The following PCDH11X variants were observed in gnomAD, a reference collection of about 807,000 sequenced individuals.
PCDH11X encodes the protein protocadherin-11 X-linked.
Under a neutral mutation model 53.3 loss-of-function variants are expected in PCDH11X, and 18 were observed. The ratio of observed to expected loss-of-function variants is 0.34; its 90% CI spans 0.23 to 0.50. The LOEUF is 0.50. PCDH11X is among the 20% of genes least tolerant of loss of function. The pLI, the probability that PCDH11X is intolerant of heterozygous loss-of-function variation, is 0.98. For missense variants in PCDH11X, 570 were observed against 1,032.4 expected (o/e 0.55, Z 6.14); for synonymous variants, 279 against 393.3 (o/e 0.71, Z 3.44).
intron 9 of PCDH11X, among the ~76,000 whole-genome samples, chrX:92,441,194 G>A (rs957200082): frequency 2.0e-4 from 21 of 107,266 alleles, no homozygotes; most frequent in Admixed American, 1.7e-3. Context: ...GTTTTATAAG[G>A]AAAGCAGAGC....
chrX:92,178,935 T>C (rs2065952016), intron 6 of PCDH11X, among the ~76,000 whole-genome samples: 1 of 112,219 alleles, frequency 8.9e-6, no homozygotes, highest in Non-Finnish European at 1.9e-5. Flanking sequence ...CTGTCATTAA[T>C]AATATCTAAA....
chrX:92,266,732 G>A (rs1398367598), intron 8 of PCDH11X, among the ~76,000 whole-genome samples: 1 of 105,748 alleles, frequency 9.5e-6, no homozygotes, highest in Non-Finnish European at 1.9e-5. Context: ...AGTGTAAGCA[G>A]TACTTATTTT....
intron 7 of PCDH11X, among the ~76,000 whole-genome samples, chrX:92,212,291 C>T (rs2066605427): frequency 2.7e-5 from 3 of 111,602 alleles, no homozygotes; most frequent in South Asian, 7.6e-4. Flanking sequence ...GGATTACAGA[C>T]GTGAGTCACA....
intron 6 of PCDH11X, among the ~76,000 whole-genome samples, chrX:92,068,503 T>C (rs1284480825): frequency 5.5e-5 from 6 of 109,444 alleles, no homozygotes; most frequent in Non-Finnish European, 1.1e-4. Flanking sequence ...TATTGATTTG[T>C]AGTTTTATTT....
chrX:92,206,665 T>G lies in PCDH11X; in HGVS notation c.3114+5210T>G, dbSNP rs1319527889. Among the ~76,000 whole-genome samples the G allele has an allele frequency of 3.6e-5, 4 of 110,642 alleles. No individual in the cohort carries two copies. In the Admixed American group the frequency reaches 3.9e-4, roughly 11 times the overall value. On this transcript the variant is annotated intron_variant, in intron 7 of 10. Transcript: ENST00000682573. ...CCTCAGCCTCCCAAGTAGCTGGGAT[T>G]ACAGGTGACCACCATCGTGCCTGGC...
At chrX:91,966,941 A>G (rs1314234077) in intron 6 of PCDH11X, among the ~76,000 whole-genome samples, 7 of 108,970 alleles carry the variant, frequency 6.4e-5, no homozygotes, top group African/African-American at 2.3e-4. Flanking sequence ...CCCCGCATGT[A>G]TTAAATATTT....
intron 8 of PCDH11X, among the ~76,000 whole-genome samples, chrX:92,315,244 A>G (rs943789634): frequency 2.7e-5 from 3 of 112,238 alleles, no homozygotes; most frequent in South Asian, 3.7e-4. Flanking sequence ...AACATGTGCT[A>G]TTTACTCCTG....
At chrX:91,796,040 T>C (rs1935723195) in intron 1 of PCDH11X, among the ~76,000 whole-genome samples, 1 of 112,218 alleles carries the variant, frequency 8.9e-6, no homozygotes, top group African/African-American at 3.2e-5. Flanking sequence ...TAAACTATTC[T>C]TCAGCAAACA....
chrX:91,785,651 G>A (rs766076124), intron 1 of PCDH11X, among the ~76,000 whole-genome samples: 62 of 111,058 alleles, frequency 5.6e-4, no homozygotes, highest in African/African-American at 1.9e-3. Context: ...CAAATTACAT[G>A]TCATTGTCTG....
chrX:91,971,184 T>A (rs868270538), intron 6 of PCDH11X, among the ~76,000 whole-genome samples: 2 of 109,613 alleles, frequency 1.8e-5, no homozygotes. Flanking sequence ...TTTCTTGATC[T>A]TCTTCTTCAA....
At chrX:92,305,726 G>A (rs1461155723) in intron 8 of PCDH11X, among the ~76,000 whole-genome samples, 91 of 110,093 alleles carry the variant, frequency 8.3e-4, no homozygotes, top group Admixed American at 6.2e-3. Context: ...AATCTACCTA[G>A]AGGAAGCTGG....
Position 92,113,308 on chromosome X carries a change from C to T in PCDH11X, c.3034-88067C>T, listed in dbSNP as rs35836348. The T allele has an allele frequency of 0.014, 16,548 of 1,196,365 alleles. 1,333 individuals are homozygous for T. In the African/African-American group the frequency reaches 0.18, roughly 13 times the overall value. ...GGTGTTGTAGAAGGTCTCAATGTCT[C>T]GAAGAGTCCTCTTGTCTTCTTCTGT... On this transcript the variant is annotated intron_variant, in intron 6 of 10. Transcript: ENST00000682573.
intron 6 of PCDH11X, among the ~76,000 whole-genome samples, chrX:91,925,474 G>T (rs1941914030): frequency 9.0e-6 from 1 of 110,977 alleles, no homozygotes; most frequent in Admixed American, 9.7e-5. Flanking sequence ...CATTTTCATT[G>T]AAATATGAAT....
At chrX:92,170,415 G>A (rs374299292) in intron 6 of PCDH11X, among the ~76,000 whole-genome samples, 1 of 110,246 alleles carries the variant, frequency 9.1e-6, no homozygotes, top group African/African-American at 3.3e-5. Flanking sequence ...TACTGAAAGA[G>A]AGCTCAAAAA....
chrX:91,916,059 T>G (rs1209584421), intron 6 of PCDH11X, among the ~76,000 whole-genome samples: 1 of 110,363 alleles, frequency 9.1e-6, no homozygotes. Context: ...TACAAATACA[T>G]GAAAACTAAA....
chrX:91,833,665 A>G (rs905214887), intron 4 of PCDH11X, among the ~76,000 whole-genome samples: 2 of 112,154 alleles, frequency 1.8e-5, no homozygotes, highest in Admixed American at 9.5e-5. Flanking sequence ...CTCCTGACCT[A>G]AACTATCTTG....
At chrX:92,380,872 T>C (rs1304802765) in intron 8 of PCDH11X, among the ~76,000 whole-genome samples, 1 of 106,846 alleles carries the variant, frequency 9.4e-6, no homozygotes, top group Non-Finnish European at 1.9e-5. Context: ...TTTTTAATTC[T>C]TTAACTTGTC....
chrX:92,136,009 TG>T (rs1489788690), intron 6 of PCDH11X, among the ~76,000 whole-genome samples: 1 of 111,606 alleles, frequency 9.0e-6, no homozygotes, highest in East Asian at 2.8e-4. Flanking sequence ...ATTGCTCACT[TG>T]TAATTATTCA....
intron 9 of PCDH11X, among the ~76,000 whole-genome samples, chrX:92,403,952 A>G (rs2071454022): frequency 9.0e-6 from 1 of 110,806 alleles, no homozygotes; most frequent in South Asian, 3.9e-4. Context: ...GATGGTTGGA[A>G]TGAGTTCTGC....
Sources: gnomAD v4.1 joint callset for allele counts (sites outside exome capture counted in the v4.1 genomes callset) on GRCh38, gnomAD v4.1.1 for gene constraint, MANE v1.5 for transcripts, NCBI Gene and HGNC (gene_info 2026-07-23, HGNC 2026-07-21) for gene names.